AP2A2: variants seen among roughly 807,000 people sequenced by gnomAD.
AP2A2 encodes the protein AP-2 complex subunit alpha-2.
In AP2A2, 32 loss-of-function variants were observed where a neutral mutation model predicts 104.2. The observed-to-expected ratio is 0.31, with a 90% CI of 0.23 to 0.41. AP2A2 has a LOEUF of 0.41. Ranked by LOEUF, AP2A2 falls within the 10% of genes least tolerant of loss-of-function variation. The probability of loss-of-function intolerance (pLI) is 1.00; values close to 1 mark genes in which losing one functional copy is unlikely to be tolerated. For missense variants in AP2A2, 912 were observed against 1,261.0 expected, an observed-to-expected ratio of 0.72 and a Z score of 4.19; for synonymous variants, 539 against 533.3, an observed-to-expected ratio of 1.01 and a Z score of -0.15.
In AP2A2 at chr11:993,224, CCGCCT is replaced by C. The variant is rs1411844609; in HGVS notation, c.1453-54_1453-50del. ...TAGGGTGCACCGCGCCAGGACGTGCCCGCCTCGCCTTAACTCTGGCACCTGGCTGC... is the reference window on the plus strand; with the variant it reads ...TAGGGTGCACCGCGCCAGGACGTGCCCGCCTTAACTCTGGCACCTGGCTGC... On this transcript the variant is annotated intron_variant, in intron 11 of 21. Coordinates refer to ENST00000448903, the MANE Select transcript of AP2A2 (RefSeq NM_012305.4). This position sits in a 1 kb window ranked among gnomAD's most constrained non-coding sequence, Gnocchi z 8.2. 20 of 1,411,742 alleles carry C rather than the reference CCGCCT, an allele frequency of 1.4e-5. No homozygotes were observed. The highest frequency in any genetic ancestry group is 1.8e-5 in the Non-Finnish European group (19 of 1,043,930). The allele number at this position is 1,411,742 out of a possible 1,614,324, so 87.5% of individuals were successfully genotyped here.
chr11:935,820 TC>T (rs1853439926), intron 1 of AP2A2, among the ~76,000 whole-genome samples: 1 of 149,902 alleles, frequency 6.7e-6, no homozygotes, highest in Admixed American at 6.7e-5. Flanking sequence ...GGTCTTGAAC[TC>T]CCGACCTCGT....
intron 1 of AP2A2, among the ~76,000 whole-genome samples, chr11:939,951 C>CTTTTTTTTTT (rs145184268): frequency 9.4e-6 from 1 of 106,060 alleles, no homozygotes; most frequent in African/African-American, 3.7e-5. Context: ...GTTTTGCTTA[C>CTTTTTTTTTT]TTTTTTTTTT....
intron 17 of AP2A2, chr11:1,006,870 A>G: frequency 2.1e-6 from 1 of 481,974 alleles, no homozygotes; most frequent in South Asian, 2.7e-5. Flanking sequence ...CTCCCCTTCC[A>G]TCTGGCCAGT....
intron 4 of AP2A2, 110 bp downstream of exon 4, chr11:972,365 A>G: frequency 1.7e-6 from 2 of 1,189,110 alleles, no homozygotes; most frequent in Middle Eastern, 2.6e-4. Context: ...TCCCCATCTT[A>G]TGGGAGATGA....
intron 18 of AP2A2, 131 bp downstream of exon 18, chr11:1,008,266 T>C: frequency 2.3e-6 from 3 of 1,320,986 alleles, no homozygotes; most frequent in Non-Finnish European, 3.0e-6. Context: ...GGTGCATGGA[T>C]GCGGCCTGAG....
chr11:976,997 C>G (rs1589985214), intron 4 of AP2A2, 98 bp from the exon 5 acceptor site: 21 of 1,533,076 alleles, frequency 1.4e-5, no homozygotes, highest in East Asian at 9.5e-5. Flanking sequence ...CTGCGCCAGC[C>G]CCACCCCCGC....
chr11:930,230 C>T (rs1390268582), intron 1 of AP2A2, among the ~76,000 whole-genome samples: 2 of 151,864 alleles, frequency 1.3e-5, no homozygotes. Flanking sequence ...CCACTCCCAG[C>T]AGACTGGCTT....
chr11:976,059 A>C (rs1269678759), intron 4 of AP2A2, among the ~76,000 whole-genome samples: 1 of 152,202 alleles, frequency 6.6e-6, no homozygotes, highest in African/African-American at 2.4e-5. Context: ...GGGCCCAGTC[A>C]TGGGGTCCTG....
intron 20 of AP2A2, 40 bp downstream of exon 20, chr11:1,009,437 CCG>C: frequency 6.4e-7 from 1 of 1,573,194 alleles, no homozygotes; most frequent in Non-Finnish European, 8.7e-7. Flanking sequence ...GACACGCAGC[CCG>C]TGACCCCGCG....
rs527794140 is a variant in AP2A2 at position 985,691 on chromosome 11, C to T, written c.962+109C>T. 1.6e-5 allele frequency: 24 copies of T among 1,458,140 alleles called. No individual in the cohort carries two copies. The African/African-American group carries it at 2.8e-4, about 17-fold the overall frequency. 90.3% of individuals were successfully genotyped at this position (1,458,140 alleles called of 1,614,324 possible). ...TCTGGTTTGTCCACTCCATGGGCCT[C>T]CCCTTCGTCCTGCCTCTGTGCTCCC... On this transcript the variant is annotated intron_variant, in intron 8 of 21. Coordinates refer to ENST00000448903, the MANE Select transcript of AP2A2 (RefSeq NM_012305.4).
At chr11:928,670 G>T (rs571062501) in intron 1 of AP2A2, among the ~76,000 whole-genome samples, 1 of 152,242 alleles carries the variant, frequency 6.6e-6, no homozygotes, top group Non-Finnish European at 1.5e-5. Flanking sequence ...GTTGTCCGCC[G>T]TCGAGAACCA....
intron 1 of AP2A2, among the ~76,000 whole-genome samples, chr11:931,846 C>T (rs1168319919): frequency 6.6e-6 from 1 of 150,566 alleles, no homozygotes; most frequent in Non-Finnish European, 1.5e-5. Flanking sequence ...CTCTGTCACC[C>T]AGGCTGGAGT....
intron 2 of AP2A2, among the ~76,000 whole-genome samples, chr11:965,676 G>T (rs1468437573): frequency 2.6e-5 from 4 of 152,210 alleles, no homozygotes; most frequent in African/African-American, 9.6e-5. Context: ...CTTGACGGTG[G>T]CCCCGGCTGA....
intron 1 of AP2A2, among the ~76,000 whole-genome samples, chr11:957,493 A>G (rs1419576620): frequency 6.6e-6 from 1 of 152,230 alleles, no homozygotes. Context: ...ACCCACAGTC[A>G]GACAAGGTAG....
intron 14 of AP2A2, chr11:995,322 C>T: frequency 4.4e-6 from 2 of 455,888 alleles, no homozygotes; most frequent in Admixed American, 2.3e-5. Flanking sequence ...CAGAATGTGT[C>T]CTGTGGTATT....
At chr11:963,750 G>A (rs188634182) in intron 2 of AP2A2, among the ~76,000 whole-genome samples, 32 of 152,336 alleles carry the variant, frequency 2.1e-4, no homozygotes, top group African/African-American at 7.2e-4. Context: ...GGCCTCCCAA[G>A]TAACTGGGAC....
At chr11:991,050 C>G (rs971409305) in intron 10 of AP2A2, among the ~76,000 whole-genome samples, 5 of 151,916 alleles carry the variant, frequency 3.3e-5, no homozygotes, top group African/African-American at 9.7e-5. Context: ...ATGCTCCCCC[C>G]ACCCCGTCCT....
At chr11:970,644 T>C (rs542324306) in intron 3 of AP2A2, among the ~76,000 whole-genome samples, 1 of 152,390 alleles carries the variant, frequency 6.6e-6, no homozygotes, top group South Asian at 2.1e-4. Flanking sequence ...GACTGCCCGG[T>C]TGGTCTGGAG....
intron 8 of AP2A2, 95 bp from the exon 9 acceptor site, chr11:986,690 G>A: frequency 7.0e-7 from 1 of 1,437,792 alleles, no homozygotes. Flanking sequence ...TGACTTTGCT[G>A]TCTGCCATCT....
Sources: allele counts gnomAD v4.1 joint callset (sites outside exome capture counted in the v4.1 genomes callset), GRCh38; gene constraint gnomAD v4.1.1; non-coding constraint Gnocchi (gnomAD v3.1); transcripts MANE v1.5; gene names NCBI Gene and HGNC (gene_info 2026-07-23, HGNC 2026-07-21).